Variants in SAXO1 observed in about 807,000 individuals in gnomAD.
SAXO1 encodes the protein 4930500O09Rik.
SAXO1 carries 21 observed loss-of-function variants against 17.5 expected under a neutral mutation model. The observed-to-expected ratio is 1.20, with a 90% CI of 0.85 to 1.72. The LOEUF (loss-of-function observed/expected upper bound fraction) is 1.72, where lower values mean the gene tolerates loss of function less well. SAXO1 is among the 40% of genes most tolerant of loss of function. The pLI is 0.00. For synonymous variants in SAXO1, 274 were observed against 216.5 expected, an observed-to-expected ratio of 1.27 and a Z score of -2.33; for missense variants, 843 against 596.0, an observed-to-expected ratio of 1.41 and a Z score of -4.32.
intron 1 of SAXO1, among the ~76,000 whole-genome samples, chr9:18,981,944 G>A (rs943789947): frequency 1.3e-5 from 2 of 152,188 alleles, no homozygotes; most frequent in African/African-American, 4.8e-5. Context: ...GCCTGGATGA[G>A]CCGGACCCTG....
Position 18,950,693 on chromosome 9 carries a change from T to C in SAXO1, c.218+65A>G. 5.0e-6 allele frequency: 7 copies of C among 1,399,352 alleles called. No individual in the cohort carries two copies. In the East Asian group the frequency reaches 1.1e-4, roughly 23 times the overall value. 86.7% of individuals were successfully genotyped at this position (1,399,352 alleles called of 1,614,324 possible). A position where few individuals can be genotyped will look rare whatever the true frequency, so the allele number is the denominator to read the frequency against. ...TGCACATTACATTAATATTATACAT[T>C]AGCACTGCATGTTACTCCATTAGTG... On this transcript the variant is annotated intron_variant, in intron 2 of 3. Transcript: ENST00000380534.
In SAXO1 at chr9:19,023,917, T is replaced by C. The variant is rs148526343; in HGVS notation, c.38+8954A>G. 8.5e-3 allele frequency among the ~76,000 whole-genome samples: 1,281 copies of C among 151,136 alleles called. 18 individuals carry two copies. Among genetic ancestry groups the C allele is most frequent in the African/African-American group, 0.03 (1,216 of 41,186 alleles). On this transcript the variant is annotated intron_variant, in intron 1 of 3. Transcript: ENST00000380534. ...ACTTTGGGAGTCCGAGGTGGGAAGA[T>C]TGCTTGAGCCCAGGAGTTTGAGACT...
chr9:18,990,679 C>G (rs1417032816), intron 1 of SAXO1, among the ~76,000 whole-genome samples: 2 of 152,210 alleles, frequency 1.3e-5, no homozygotes, highest in African/African-American at 4.8e-5. Context: ...GAAGCTTCAT[C>G]TGTATTTACA....
At chr9:19,021,138 C>T (rs1176348417) in intron 1 of SAXO1, among the ~76,000 whole-genome samples, 1 of 152,228 alleles carries the variant, frequency 6.6e-6, no homozygotes, top group African/African-American at 2.4e-5. Flanking sequence ...CAGGAGACAG[C>T]CTCATGCCAG....
chr9:18,941,873 T>A (rs760226052), intron 2 of SAXO1, 34 bp from the exon 3 acceptor site: 17 of 1,603,258 alleles, frequency 1.1e-5, no homozygotes, highest in Non-Finnish European at 1.5e-5. Flanking sequence ...GTTGGGGTCC[T>A]TGGCTTGCGA....
At chr9:18,968,397 T>C (rs966936059) in intron 1 of SAXO1, among the ~76,000 whole-genome samples, 1 of 152,172 alleles carries the variant, frequency 6.6e-6, no homozygotes, top group African/African-American at 2.4e-5. Flanking sequence ...GATGGAGAGA[T>C]GTGTCAATGT....
At chr9:19,013,562 T>C (rs1186876968) in intron 1 of SAXO1, among the ~76,000 whole-genome samples, 2 of 147,464 alleles carry the variant, frequency 1.4e-5, no homozygotes, top group Non-Finnish European at 3.0e-5. Flanking sequence ...TTTTTTTTTT[T>C]TTGAGACAGA....
intron 1 of SAXO1, among the ~76,000 whole-genome samples, chr9:19,009,295 T>G (rs1834622481): frequency 6.6e-6 from 1 of 151,926 alleles, no homozygotes; most frequent in South Asian, 2.1e-4. Context: ...AAAAGGGAGT[T>G]TCAAAACTAA....
At chr9:18,953,679 G>A (rs1365007460) in intron 1 of SAXO1, among the ~76,000 whole-genome samples, 1 of 152,096 alleles carries the variant, frequency 6.6e-6, no homozygotes, top group Admixed American at 6.6e-5. Context: ...TCTTCTCATT[G>A]GTGATCAACC....
intron 2 of SAXO1, among the ~76,000 whole-genome samples, chr9:18,945,780 G>C (rs1187479467): frequency 1.3e-5 from 2 of 152,166 alleles, no homozygotes; most frequent in Non-Finnish European, 2.9e-5. Flanking sequence ...TATTTCAAAT[G>C]ACTTTAAAGC....
rs535683357 is a variant in SAXO1 at position 18,950,239 on chromosome 9, T to C, written c.218+519A>G. Among the ~76,000 whole-genome samples, 166 of 152,334 alleles carry C rather than the reference T, an allele frequency of 1.1e-3. 2 individuals are homozygous for C. Among genetic ancestry groups the C allele is most frequent in the South Asian group, 7.2e-3 (35 of 4,832 alleles). On this transcript the variant is annotated intron_variant, in intron 2 of 3. Coordinates refer to ENST00000380534, the MANE Select transcript of SAXO1 (RefSeq NM_153707.4). ...GAATAATTTAAAAGCAAAACATTAT[T>C]TGTTCATCTTTCTTGAAGAACATTC...
At chr9:18,988,205 C>G (rs1392153280) in intron 1 of SAXO1, among the ~76,000 whole-genome samples, 1 of 152,202 alleles carries the variant, frequency 6.6e-6, no homozygotes, top group Non-Finnish European at 1.5e-5. Flanking sequence ...AAGTGAGTAT[C>G]AGCAATAAAA....
intron 1 of SAXO1, chr9:19,027,724 C>G (rs1362246002): frequency 1.1e-5 from 16 of 1,414,124 alleles, no homozygotes; most frequent in South Asian, 3.6e-5. Context: ...AGCACTTTGA[C>G]AGCGAGAAGT....
chr9:18,992,263 C>T (rs1023035550), intron 1 of SAXO1, among the ~76,000 whole-genome samples: 4 of 152,146 alleles, frequency 2.6e-5, no homozygotes, highest in African/African-American at 9.7e-5. Flanking sequence ...GGTGTCAGTT[C>T]CTGTGAGTGC....
Position 18,927,928 on chromosome 9 carries a change from G to A in SAXO1, c.*124C>T, listed in dbSNP as rs1830832583. The A allele has an allele frequency of 9.6e-7, 1 of 1,042,772 alleles. No homozygotes were observed. Among genetic ancestry groups the A allele is most frequent in the Admixed American group, 2.5e-5 (1 of 39,820 alleles). 64.6% of individuals were successfully genotyped at this position (1,042,772 alleles called of 1,614,324 possible). A position where few individuals can be genotyped will look rare whatever the true frequency, so the allele number is the denominator to read the frequency against. On this transcript the variant is annotated 3_prime_UTR_variant, in exon 4 of 4. Transcript: ENST00000380534. ...CTCATTTTATTCAAGTGCTCTGGAA[G>A]TGGTGAAGGTTTTTTGTTTTTTGTT...
intron 1 of SAXO1, among the ~76,000 whole-genome samples, chr9:18,994,226 G>A (rs1246539823): frequency 6.6e-6 from 1 of 152,140 alleles, no homozygotes; most frequent in Non-Finnish European, 1.5e-5. Context: ...GCCTATGTGG[G>A]TGTGTTTGTG....
chr9:19,018,569 C>T (rs944597261), intron 1 of SAXO1, among the ~76,000 whole-genome samples: 2 of 152,186 alleles, frequency 1.3e-5, no homozygotes, highest in South Asian at 2.1e-4. Flanking sequence ...TATTGCTTCA[C>T]GTCATGGCTA....
chr9:18,950,145 A>C (rs1283331631), intron 2 of SAXO1, among the ~76,000 whole-genome samples: 2 of 152,202 alleles, frequency 1.3e-5, no homozygotes, highest in Non-Finnish European at 2.9e-5. Flanking sequence ...CTGCAACGCT[A>C]ATATACTGAA....
chr9:19,002,251 T>G (rs1038347582), intron 1 of SAXO1, among the ~76,000 whole-genome samples: 1 of 152,074 alleles, frequency 6.6e-6, no homozygotes, highest in African/African-American at 2.4e-5. Context: ...GAGGCAGTAA[T>G]AGCCTACCAA....
Sources: allele counts gnomAD v4.1 joint callset (sites outside exome capture counted in the v4.1 genomes callset), GRCh38; gene constraint gnomAD v4.1.1; transcripts MANE v1.5; gene names NCBI Gene and HGNC (gene_info 2026-07-23, HGNC 2026-07-21).